The following USH2A variants were observed in gnomAD, a reference collection of about 807,000 sequenced individuals.
The protein encoded by USH2A is Usher syndrome 2A (autosomal recessive, mild).
A neutral mutation model predicts 538.9 loss-of-function variants in USH2A; 443 were observed. The observed-to-expected ratio is 0.82, with a 90% CI of 0.76 to 0.89. The LOEUF is 0.89. Among genes scored for constraint, USH2A ranks in the 40% least tolerant of loss-of-function variants. The pLI is 0.00. For missense variants in USH2A, 6,633 were observed against 6,324.8 expected, an observed-to-expected ratio of 1.05 and a Z score of -1.65; for synonymous variants, 2,413 against 2,273.5, an observed-to-expected ratio of 1.06 and a Z score of -1.75.
At chr1:215,937,014 A>T (rs1666517403) in intron 37 of USH2A, among the ~76,000 whole-genome samples, 1 of 152,136 alleles carries the variant, frequency 6.6e-6, no homozygotes, top group African/African-American at 2.4e-5. Context: ...GTCACTGAAA[A>T]ATCTACTGTT....
intron 44 of USH2A, among the ~76,000 whole-genome samples, chr1:215,857,065 G>A (rs1256067297): frequency 6.6e-6 from 1 of 152,128 alleles, no homozygotes; most frequent in Admixed American, 6.5e-5. Flanking sequence ...GGCACTCGGG[G>A]GAGTGGGTGG....
chr1:216,209,404 C>G (rs2035190177), intron 15 of USH2A, among the ~76,000 whole-genome samples: 1 of 152,152 alleles, frequency 6.6e-6, no homozygotes, highest in Non-Finnish European at 1.5e-5. Flanking sequence ...GCTGCTGATG[C>G]AAACCACATA....
chr1:215,958,306 T>G (rs565005392), intron 37 of USH2A, among the ~76,000 whole-genome samples: 2 of 152,278 alleles, frequency 1.3e-5, no homozygotes, highest in East Asian at 3.9e-4. Flanking sequence ...CATTTGAATA[T>G]ACTGACATTC....
chr1:216,017,374 C>T (rs1246641255), intron 32 of USH2A, among the ~76,000 whole-genome samples: 1 of 152,172 alleles, frequency 6.6e-6, no homozygotes, highest in Non-Finnish European at 1.5e-5. Context: ...GATTCATAAA[C>T]TAAAGAGGAG....
chr1:216,091,119 T>G (rs1471634794), intron 22 of USH2A, among the ~76,000 whole-genome samples: 1 of 152,216 alleles, frequency 6.6e-6, no homozygotes, highest in Non-Finnish European at 1.5e-5. Flanking sequence ...TTGAAGACTA[T>G]TTTAAGATTA....
intron 61 of USH2A, among the ~76,000 whole-genome samples, chr1:215,682,247 C>G (rs1490125288): frequency 6.6e-6 from 1 of 152,190 alleles, no homozygotes; most frequent in Non-Finnish European, 1.5e-5. Flanking sequence ...GTAATCACCT[C>G]TAACAGATTA....
intron 11 of USH2A, among the ~76,000 whole-genome samples, chr1:216,284,393 G>C (rs2036842336): frequency 6.6e-6 from 1 of 152,040 alleles, no homozygotes; most frequent in African/African-American, 2.4e-5. Flanking sequence ...ACCCTCACTT[G>C]GCACTTCTCC....
At chr1:216,018,706 A>C (rs1668774795) in intron 32 of USH2A, among the ~76,000 whole-genome samples, 1 of 152,186 alleles carries the variant, frequency 6.6e-6, no homozygotes, top group Non-Finnish European at 1.5e-5. Context: ...GCATTATGTG[A>C]AAGAGCTCTT....
At chr1:216,381,448 C>T (rs922688241) in intron 3 of USH2A, among the ~76,000 whole-genome samples, 1 of 152,046 alleles carries the variant, frequency 6.6e-6, no homozygotes, top group African/African-American at 2.4e-5. Flanking sequence ...GAGGTAATCA[C>T]ATTTACATTT....
At chr1:216,236,437 C>T (rs936037345) in intron 13 of USH2A, among the ~76,000 whole-genome samples, 1 of 152,074 alleles carries the variant, frequency 6.6e-6, no homozygotes, top group African/African-American at 2.4e-5. Context: ...ATCACAATGT[C>T]TTAGTATATT....
chr1:216,278,325 C>T (rs748713837), intron 11 of USH2A, among the ~76,000 whole-genome samples: 38 of 152,156 alleles, frequency 2.5e-4, no homozygotes, highest in Non-Finnish European at 5.0e-4. Context: ...TTTTTACTTT[C>T]AGGCAGTTTG....
intron 9 of USH2A, among the ~76,000 whole-genome samples, chr1:216,299,331 G>T (rs2037169057): frequency 6.6e-6 from 1 of 151,490 alleles, no homozygotes. Flanking sequence ...AATACAGCTT[G>T]AATTGAAAAT....
chr1:216,329,601 C>T (rs1162072036), intron 4 of USH2A, among the ~76,000 whole-genome samples: 1 of 152,082 alleles, frequency 6.6e-6, no homozygotes, highest in Non-Finnish European at 1.5e-5. Context: ...CTCCTAGCAT[C>T]CTTTACACCC....
chr1:216,087,677 C>T lies in USH2A; in HGVS notation c.4886-857G>A, dbSNP rs1285207172. Among the ~76,000 whole-genome samples, 3 of 152,096 alleles carry T rather than the reference C, an allele frequency of 2.0e-5. No individual in the cohort carries two copies. In the South Asian group the frequency reaches 6.2e-4, roughly 32 times the overall value. On this transcript the variant is annotated intron_variant, in intron 23 of 71. Coordinates refer to ENST00000307340, the MANE Select transcript of USH2A (RefSeq NM_206933.4). ...AGATTTAGCCCATGGTGATAGTTTA[C>T]CAACCCCTATTCTGCCTCAATCTCA...
At chr1:216,163,730 T>G (rs1329121826) in intron 21 of USH2A, among the ~76,000 whole-genome samples, 3 of 151,994 alleles carry the variant, frequency 2.0e-5, no homozygotes. Flanking sequence ...GGATTTCAAT[T>G]GAAAACCTGG....
chr1:216,137,630 G>A (rs1437489509), intron 21 of USH2A, among the ~76,000 whole-genome samples: 1 of 152,128 alleles, frequency 6.6e-6, no homozygotes, highest in Admixed American at 6.5e-5. Flanking sequence ...GATGCAGGCT[G>A]GGAGGCTAGG....
At chr1:215,915,481 T>C (rs998353661) in intron 38 of USH2A, among the ~76,000 whole-genome samples, 4 of 152,228 alleles carry the variant, frequency 2.6e-5, no homozygotes, top group African/African-American at 9.6e-5. Context: ...GAAGAAATTG[T>C]CTCTGTCTTT....
In USH2A at chr1:215,888,770, T is replaced by A; in HGVS notation, c.7879A>T (p.Ile2627Phe). 1 of 1,614,092 alleles carries A rather than the reference T, an allele frequency of 6.2e-7. No individual in the cohort carries two copies. The highest frequency in any genetic ancestry group is 8.5e-7 in the Non-Finnish European group (1 of 1,180,008). ...VWTLPGAPEG[I>F]PSPELFSDTP... ...TCAGAGAACAGCTCTGGACTTGGGATCCCTTCCGGTGCCCCTGGGAGTGTC... is the reference window on the plus strand; with the variant it reads ...TCAGAGAACAGCTCTGGACTTGGGAACCCTTCCGGTGCCCCTGGGAGTGTC... Residue 2627 changes from isoleucine (I) to phenylalanine (F), a missense_variant, in exon 41 of 72, where the codon ATC becomes TTC. Ile to Phe is a conservative substitution (Grantham distance 21). Transcript: ENST00000307340.
In USH2A at chr1:215,680,320, A is replaced by G; in HGVS notation, c.12123T>C (p.Ile4041=). Residue 4041 remains isoleucine (I), a synonymous_variant, in exon 62 of 72, where the codon ATT becomes ATC. Coordinates refer to ENST00000307340, the MANE Select transcript of USH2A (RefSeq NM_206933.4). ...YGLEPFTTYR[I]GVVAANHAGE... is the part of the protein sequence containing the mutation. ...CTGCATGGTTTGCAGCCACAACACC[A>G]ATGCGATATGTTGTGAATGGTTCTA... is the stretch of plus-strand genomic sequence containing the variant. 1 of 1,614,138 alleles carries G rather than the reference A, an allele frequency of 6.2e-7. No homozygotes were observed. Among genetic ancestry groups the G allele is most frequent in the Non-Finnish European group, 8.5e-7 (1 of 1,179,998 alleles).
Sources: gnomAD v4.1 joint callset for allele counts (sites outside exome capture counted in the v4.1 genomes callset) on GRCh38, gnomAD v4.1.1 for gene constraint, MANE v1.5 for transcripts, NCBI Gene and HGNC (gene_info 2026-07-23, HGNC 2026-07-21) for gene names.